B3GNT4: variants seen among roughly 807,000 people sequenced by gnomAD.
The protein encoded by B3GNT4 is N-acetyllactosaminide beta-1,3-N-acetylglucosaminyltransferase 4.
In B3GNT4, 2 loss-of-function variants were observed where a neutral mutation model predicts 2.7. That is an observed-to-expected ratio of 0.73 (90% CI 0.30 to 2.31). The LOEUF is 2.31. Ranked by LOEUF, B3GNT4 falls within the 30% of genes most tolerant of loss-of-function variation. B3GNT4 has a pLI of 0.12. For missense variants in B3GNT4, 708 were observed against 490.9 expected, an observed-to-expected ratio of 1.44 and a Z score of -4.18; for synonymous variants, 280 against 203.4, an observed-to-expected ratio of 1.38 and a Z score of -3.20.
rs1427787771 is a variant in B3GNT4 at position 122,208,931 on chromosome 12, A to G, written c.*1543A>G. ...CTTTTTGACAAAGAGATCATGAATA[A>G]AATTGTCAAAGATCCCTTTCATCAC... On this transcript the variant is annotated 3_prime_UTR_variant, in exon 3 of 3. Coordinates refer to ENST00000324189, the MANE Select transcript of B3GNT4 (RefSeq NM_030765.4). 1 of 375,434 alleles carries G rather than the reference A, an allele frequency of 2.7e-6. No individual in the cohort carries two copies. The highest frequency in any genetic ancestry group is 2.1e-5 in the African/African-American group (1 of 47,432). The allele number at this position is 375,434 out of a possible 1,614,324, so 23.3% of individuals were successfully genotyped here.
rs777981592 is a variant in B3GNT4 at position 122,206,959 on chromosome 12, C to T, written c.708C>T (p.Asp236=). The T allele has an allele frequency of 3.1e-6, 5 of 1,612,920 alleles. No homozygotes were observed. Among genetic ancestry groups the T allele is most frequent in the Non-Finnish European group, 3.4e-6 (4 of 1,179,046 alleles). Residue 236 remains aspartate, a synonymous_variant, in exon 3 of 3, where the codon GAC becomes GAT. Coordinates refer to ENST00000324189, the MANE Select transcript of B3GNT4 (RefSeq NM_030765.4). The part of the protein sequence containing the change: ...PNVLEFLDGW[D]PAQDLLVGDV... Reference sequence around the variant, plus strand: ...TGTTAGAGTTCCTGGATGGCTGGGACCCAGCCCAGGACCTCCTGGTGGGAG... The same window carrying T: ...TGTTAGAGTTCCTGGATGGCTGGGATCCAGCCCAGGACCTCCTGGTGGGAG...
chr12:122,207,446 C>G lies in B3GNT4; in HGVS notation c.*58C>G. The G allele has an allele frequency of 2.1e-6, 3 of 1,415,974 alleles. No homozygotes were observed. The highest frequency in any genetic ancestry group is 1.4e-5 in the South Asian group (1 of 69,564). 87.7% of individuals were successfully genotyped at this position (1,415,974 alleles called of 1,614,324 possible). A position where few individuals can be genotyped will look rare whatever the true frequency, so the allele number is the denominator to read the frequency against. On this transcript the variant is annotated 3_prime_UTR_variant, in exon 3 of 3. Transcript: ENST00000324189. Reference sequence around the variant, plus strand: ...TCAGTGTTGATTCTCTATCGTGATGCGAAATTGATGCCTGCTGCTCTACAG... The same window carrying G: ...TCAGTGTTGATTCTCTATCGTGATGGGAAATTGATGCCTGCTGCTCTACAG...
chr12:122,205,883 C>G (rs1004816412), intron 2 of B3GNT4: 1 of 162,052 alleles, frequency 6.2e-6, no homozygotes, highest in Non-Finnish European at 1.3e-5. Context: ...CACAGGACCC[C>G]ACAGGCACCA....
Position 122,207,821 on chromosome 12 carries a change from T to C in B3GNT4, c.*433T>C, listed in dbSNP as rs762688247. On this transcript the variant is annotated 3_prime_UTR_variant, in exon 3 of 3. Transcript: ENST00000324189. ...CCTGTTGAGAGCACCAGGTAAACACTCTGCACCCCTTCTCTTAGTAGTAAT... is the reference window on the plus strand; with the variant it reads ...CCTGTTGAGAGCACCAGGTAAACACCCTGCACCCCTTCTCTTAGTAGTAAT... The C allele has an allele frequency of 8.6e-6, 4 of 463,600 alleles. No homozygotes were observed. The highest frequency in any genetic ancestry group is 1.5e-5 in the South Asian group (1 of 64,562). 28.7% of individuals were successfully genotyped at this position (463,600 alleles called of 1,614,324 possible). A position where few individuals can be genotyped will look rare whatever the true frequency, so the allele number is the denominator to read the frequency against.
At position 122,208,569 on chromosome 12, in the gene B3GNT4, G is replaced by C. The variant is rs1187894368; in HGVS notation, c.*1181G>C. 2 of 1,612,674 alleles carry C rather than the reference G, an allele frequency of 1.2e-6. No individual in the cohort carries two copies. The highest frequency in any genetic ancestry group is 1.7e-6 in the Non-Finnish European group (2 of 1,180,004). On this transcript the variant is annotated 3_prime_UTR_variant, in exon 3 of 3. Coordinates refer to ENST00000324189, the MANE Select transcript of B3GNT4 (RefSeq NM_030765.4). Reference sequence around the variant, plus strand: ...TGATTCCTGGCGGTTATAGAGGCCTGATCTGCGCCTGCCAAAAGATGGGAC... The same window carrying C: ...TGATTCCTGGCGGTTATAGAGGCCTCATCTGCGCCTGCCAAAAGATGGGAC...
Position 122,208,848 on chromosome 12 carries a change from C to G in B3GNT4, c.*1460C>G. 1.8e-6 allele frequency: 1 copy of G among 562,262 alleles called. No homozygotes were observed. Among genetic ancestry groups the G allele is most frequent in the Non-Finnish European group, 3.4e-6 (1 of 296,994 alleles). The allele number at this position is 562,262 out of a possible 1,614,324, so 34.8% of individuals were successfully genotyped here. A position where few individuals can be genotyped will look rare whatever the true frequency, so the allele number is the denominator to read the frequency against. On this transcript the variant is annotated 3_prime_UTR_variant, in exon 3 of 3. Coordinates refer to ENST00000324189, the MANE Select transcript of B3GNT4 (RefSeq NM_030765.4). Reference sequence around the variant, plus strand: ...GCAACTCTCACAATCATCTTTATAGCTACAGAGCTTTTAGTACAGACCTTT... The same window carrying G: ...GCAACTCTCACAATCATCTTTATAGGTACAGAGCTTTTAGTACAGACCTTT...
At position 122,206,969 on chromosome 12, in the gene B3GNT4, G is replaced by A. The variant is rs576192434; in HGVS notation, c.718G>A (p.Asp240Asn). ...CCTGGATGGCTGGGACCCAGCCCAG[G>A]ACCTCCTGGTGGGAGATGTCATCCG... Reference protein sequence around the residue: ...EFLDGWDPAQDLLVGDVIRQA... With the variant: ...EFLDGWDPAQNLLVGDVIRQA... The change falls in exon 3 of 3, where the codon GAC becomes AAC. Residue 240 changes from aspartate (D) to asparagine (N), a missense_variant. Coordinates refer to ENST00000324189, the MANE Select transcript of B3GNT4 (RefSeq NM_030765.4). 2.5e-5 allele frequency: 40 copies of A among 1,614,034 alleles called. No individual in the cohort carries two copies. The highest frequency in any genetic ancestry group is 3.2e-5 in the Non-Finnish European group (38 of 1,179,968).
In B3GNT4 at chr12:122,206,442, C is replaced by T. The variant is rs1041904229; in HGVS notation, c.191C>T (p.Pro64Leu). The change falls in exon 3 of 3, where the codon CCT becomes CTT. Residue 64 changes from proline to leucine, a missense_variant. Physicochemically the swap from Pro to Leu is moderately conservative, Grantham distance 98. Transcript: ENST00000324189. The stretch of plus-strand genomic sequence containing the variant: ...GCAGGAGACCCCACGGCCCACCAGC[C>T]TTTCTGGGCTCCCCCAACACCCCGT... ...KPAGDPTAHQ[P>L]FWAPPTPRHS... 1 of 1,614,148 alleles carries T rather than the reference C, an allele frequency of 6.2e-7. No individual in the cohort carries two copies. Among genetic ancestry groups the T allele is most frequent in the Non-Finnish European group, 8.5e-7 (1 of 1,180,010 alleles).
rs572008767 is a variant in B3GNT4, at chr12:122,207,196, G to A, written c.945G>A (p.Leu315=). ...TTGTGGGTATGTGCCTGAGGCGGCT[G>A]GGGCTGAGCCCTATGCACCATGCTG... ...DVFVGMCLRR[L]GLSPMHHAGF... Residue 315 remains leucine, a synonymous_variant, in exon 3 of 3, where the codon CTG becomes CTA. Coordinates refer to ENST00000324189, the MANE Select transcript of B3GNT4 (RefSeq NM_030765.4). 5 of 1,613,882 alleles carry A rather than the reference G, an allele frequency of 3.1e-6. No individual in the cohort carries two copies. The highest frequency in any genetic ancestry group is 1.1e-5 in the South Asian group (1 of 91,046).
rs1336914558 is a variant in B3GNT4, at chr12:122,207,195, T to C, written c.944T>C (p.Leu315Pro). The C allele has an allele frequency of 1.2e-6, 2 of 1,613,870 alleles. No individual in the cohort carries two copies. The highest frequency in any genetic ancestry group is 1.7e-6 in the Non-Finnish European group (2 of 1,179,992). The change falls in exon 3 of 3, where the codon CTG becomes CCG. Residue 315 changes from leucine to proline, a missense_variant. Physicochemically the swap from Leu to Pro is moderately conservative, Grantham distance 98. Transcript: ENST00000324189. ...TTTGTGGGTATGTGCCTGAGGCGGC[T>C]GGGGCTGAGCCCTATGCACCATGCT... Reference protein sequence around the residue: ...DVFVGMCLRRLGLSPMHHAGF... With the variant: ...DVFVGMCLRRPGLSPMHHAGF...
Position 122,206,300 on chromosome 12 carries a change from G to GT in B3GNT4, c.67-17dup, listed in dbSNP as rs754373861. 109 of 1,531,550 alleles carry GT rather than the reference G, an allele frequency of 7.1e-5. No individual in the cohort carries two copies. The highest frequency in any genetic ancestry group is 9.1e-5 in the Non-Finnish European group (104 of 1,140,702). 94.9% of individuals were successfully genotyped at this position (1,531,550 alleles called of 1,614,324 possible). On this transcript the variant is annotated splice_polypyrimidine_tract_variant and intron_variant, in intron 2 of 2. Transcript: ENST00000324189. ...GGACCCGGGGCTGGGCCCTGCTCAG[G>GT]TGGCTCTCTCCTTGCAGGGACCGGC...
In B3GNT4 at chr12:122,208,723, G is replaced by A. The variant is rs1252396330; in HGVS notation, c.*1335G>A. 2.5e-6 allele frequency: 2 copies of A among 793,082 alleles called. No individual in the cohort carries two copies. Among genetic ancestry groups the A allele is most frequent in the Admixed American group, 2.0e-5 (1 of 50,014 alleles). 49.1% of individuals were successfully genotyped at this position (793,082 alleles called of 1,614,324 possible). A position where few individuals can be genotyped will look rare whatever the true frequency, so the allele number is the denominator to read the frequency against. On this transcript the variant is annotated 3_prime_UTR_variant, in exon 3 of 3. Coordinates refer to ENST00000324189, the MANE Select transcript of B3GNT4 (RefSeq NM_030765.4). ...CCTCCCTGTCTTCTCTCTCTGCAAA[G>A]AAACTTCCACCTCTATGTTCAGGTC...
intron 2 of B3GNT4, 197 bp downstream of exon 2, chr12:122,204,881 A>G (rs1458142340): frequency 1.7e-6 from 1 of 578,370 alleles, no homozygotes; most frequent in African/African-American, 1.9e-5. Context: ...TCTACAAAAA[A>G]TAAATTAGCC....
chr12:122,204,778 G>A (rs1167896924), intron 2 of B3GNT4, 94 bp downstream of exon 2: 10 of 1,132,164 alleles, frequency 8.8e-6, no homozygotes, highest in Admixed American at 6.2e-5. Flanking sequence ...GGTGGCTCAC[G>A]CCTGTAGTCC....
chr12:122,208,660 G>C lies in B3GNT4; in HGVS notation c.*1272G>C. The C allele has an allele frequency of 9.2e-6, 13 of 1,420,510 alleles. No homozygotes were observed. In the South Asian group the frequency reaches 1.6e-4, roughly 17 times the overall value. The allele number at this position is 1,420,510 out of a possible 1,614,324, so 88.0% of individuals were successfully genotyped here. On this transcript the variant is annotated 3_prime_UTR_variant, in exon 3 of 3. Transcript: ENST00000324189. The stretch of plus-strand genomic sequence containing the variant: ...TGGACGTTGGCCTGGGGGTGCTGTG[G>C]CTGTCATCTGAACCCCTCTTGGGGT...
At chr12:122,204,727 A>G in intron 2 of B3GNT4, 43 bp downstream of exon 2, 2 of 1,503,156 alleles carry the variant, frequency 1.3e-6, no homozygotes, top group African/African-American at 1.4e-5. Context: ...CTTGTCCCCC[A>G]CCCCCGCATA....
rs1953920077 is a variant in B3GNT4, at chr12:122,206,563, T to C, written c.312T>C (p.Asn104=). Residue 104 remains asparagine (N), a synonymous_variant, in exon 3 of 3, where the codon AAT becomes AAC. Transcript: ENST00000324189. ...TCTTGACCTATCGTCACTGCCGAAA[T>C]TTCTCTATCTTGCTGGAGCCTTCAG... ...RLFLTYRHCR[N]FSILLEPSGC... 1.2e-6 allele frequency: 2 copies of C among 1,614,076 alleles called. No homozygotes were observed. Among genetic ancestry groups the C allele is most frequent in the Admixed American group, 1.7e-5 (1 of 60,002 alleles).
At position 122,204,586 on chromosome 12, in the gene B3GNT4, C is replaced by T; in HGVS notation, c.-33C>T. On this transcript the variant is annotated 5_prime_UTR_variant, in exon 2 of 3. Coordinates refer to ENST00000324189, the MANE Select transcript of B3GNT4 (RefSeq NM_030765.4). The stretch of plus-strand genomic sequence containing the variant: ...CCCCGCCGCCGCCGCCGCCCGGCAT[C>T]CTGAGCACGGAGACAGTCTCCAGCT... 1 of 1,585,286 alleles carries T rather than the reference C, an allele frequency of 6.3e-7. No individual in the cohort carries two copies. The highest frequency in any genetic ancestry group is 8.6e-7 in the Non-Finnish European group (1 of 1,156,172).
chr12:122,208,015 G>A lies in B3GNT4; in HGVS notation c.*627G>A, dbSNP rs555384180. 1.4e-4 allele frequency: 67 copies of A among 495,010 alleles called. 2 individuals carry two copies. Among genetic ancestry groups the A allele is most frequent in the South Asian group, 8.6e-4 (56 of 64,830 alleles). 30.7% of individuals were successfully genotyped at this position (495,010 alleles called of 1,614,324 possible). On this transcript the variant is annotated 3_prime_UTR_variant, in exon 3 of 3. Coordinates refer to ENST00000324189, the MANE Select transcript of B3GNT4 (RefSeq NM_030765.4). ...CAAGTACTAAATCATTTTTGACGAC[G>A]TAAATAAGACTGAAAACAGGTTAAA...
Sources: allele counts gnomAD v4.1 joint callset, GRCh38; gene constraint gnomAD v4.1.1; transcripts MANE v1.5; gene names NCBI Gene and HGNC (gene_info 2026-07-23, HGNC 2026-07-21).